The following ZNF569 variants were observed in gnomAD, a reference collection of about 807,000 sequenced individuals.
ZNF569 encodes zinc finger protein 569.
A neutral mutation model predicts 56.3 loss-of-function variants in ZNF569; 38 were observed. The observed-to-expected ratio is 0.68, with a 90% confidence interval of 0.52 to 0.88. The LOEUF is 0.88. Ranked by LOEUF, ZNF569 falls within the 40% of genes least tolerant of loss-of-function variation. The pLI is 0.00. For missense variants in ZNF569, 666 were observed against 809.2 expected (o/e 0.82, Z 2.15); for synonymous variants, 241 against 262.9 (o/e 0.92, Z 0.81).
chr19:37,430,356 T>G (rs1600308561), intron 3 of ZNF569, among the ~76,000 whole-genome samples: 1 of 152,072 alleles, frequency 6.6e-6, no homozygotes, highest in Admixed American at 6.5e-5. Context: ...AAAACATTAA[T>G]GTACATATTC....
At chr19:37,452,205 TCTC>T (rs1222917345) in intron 2 of ZNF569, among the ~76,000 whole-genome samples, 2 of 147,118 alleles carry the variant, frequency 1.4e-5, no homozygotes, top group East Asian at 3.8e-4. Context: ...CATTTTAAAT[TCTC>T]CTGCCCACAT....
intron 2 of ZNF569, among the ~76,000 whole-genome samples, chr19:37,464,454 G>A (rs992061582): frequency 6.6e-6 from 1 of 152,184 alleles, no homozygotes. Context: ...CTCCCAAACT[G>A]CTGGGATTCC....
In ZNF569 at chr19:37,411,167, C is replaced by G. The variant is rs1474952159; in HGVS notation, c.*1430G>C. 1.3e-5 allele frequency: 2 copies of G among 152,282 alleles called. No individual in the cohort carries two copies. The highest frequency in any genetic ancestry group is 4.1e-4 in the South Asian group (2 of 4,826). The allele number at this position is 152,282 out of a possible 1,614,324, so 9.4% of individuals were successfully genotyped here. On this transcript the variant is annotated 3_prime_UTR_variant, in exon 6 of 6. Coordinates refer to ENST00000316950, the MANE Select transcript of ZNF569 (RefSeq NM_152484.3). ...GTCACCACTGTCATATTTGCTTTCA[C>G]TCTTTTATTAAAGAAATATTACAGA...
At position 37,412,360 on chromosome 19, in the gene ZNF569, A is replaced by G. The variant is rs1412994414; in HGVS notation, c.*237T>C. 2 of 565,882 alleles carry G rather than the reference A, an allele frequency of 3.5e-6. No individual in the cohort carries two copies. The highest frequency in any genetic ancestry group is 5.3e-6 in the Non-Finnish European group (2 of 377,092). 35.1% of individuals were successfully genotyped at this position (565,882 alleles called of 1,614,324 possible). ...GGAAGATACCTTGTTTCAGATTTCA[A>G]TGAGAATGCTGATTAAATATTATCA... is the stretch of plus-strand genomic sequence containing the variant. On this transcript the variant is annotated 3_prime_UTR_variant, in exon 6 of 6. Coordinates refer to ENST00000316950, the MANE Select transcript of ZNF569 (RefSeq NM_152484.3).
intron 5 of ZNF569, among the ~76,000 whole-genome samples, chr19:37,425,469 G>A (rs905158097): frequency 8.6e-5 from 13 of 151,716 alleles, no homozygotes; most frequent in African/African-American, 2.7e-4. Context: ...CTACAGGCGC[G>A]TGTCACCACG....
At chr19:37,425,680 G>A in intron 5 of ZNF569, 188 bp downstream of exon 5, 4 of 483,236 alleles carry the variant, frequency 8.3e-6, no homozygotes, top group Admixed American at 5.7e-5. Context: ...GCCCAGGCTG[G>A]TCCCAAACTC....
intron 5 of ZNF569, among the ~76,000 whole-genome samples, chr19:37,416,250 C>T (rs1473397058): frequency 1.6e-5 from 2 of 124,290 alleles, no homozygotes; most frequent in African/African-American, 6.1e-5. Context: ...AACAAACAAA[C>T]AAAAAAACAA....
chr19:37,425,865 A>C lies in ZNF569; in HGVS notation c.238+3T>G, dbSNP rs890447569. ...CTCACCTGTCTGGTTCCCTTCCACTAACCTTGCCAGTGTCTCCTTAATACT... is the reference window on the plus strand; with the variant it reads ...CTCACCTGTCTGGTTCCCTTCCACTCACCTTGCCAGTGTCTCCTTAATACT... On this transcript the variant is annotated splice_donor_region_variant and intron_variant, in intron 5 of 5. Transcript: ENST00000316950. 3.7e-6 allele frequency: 6 copies of C among 1,612,742 alleles called. No individual in the cohort carries two copies. In the African/African-American group the frequency reaches 6.7e-5, roughly 18 times the overall value.
intron 2 of ZNF569, among the ~76,000 whole-genome samples, chr19:37,446,825 A>G (rs1241509149): frequency 1.3e-5 from 2 of 152,142 alleles, no homozygotes; most frequent in Non-Finnish European, 2.9e-5. Flanking sequence ...TAAACAACCC[A>G]CAGAATGGGA....
chr19:37,456,792 C>A (rs975693449), intron 2 of ZNF569, among the ~76,000 whole-genome samples: 16 of 152,040 alleles, frequency 1.1e-4, no homozygotes, highest in African/African-American at 3.9e-4. Context: ...CATAGTGAAA[C>A]CTCACCTCTC....
chr19:37,423,744 A>T (rs760853648), intron 5 of ZNF569, among the ~76,000 whole-genome samples: 3 of 152,192 alleles, frequency 2.0e-5, no homozygotes, highest in Non-Finnish European at 4.4e-5. Context: ...CCAACTGTTT[A>T]TTAAAACAAA....
chr19:37,437,380 G>A (rs780938104), intron 3 of ZNF569, among the ~76,000 whole-genome samples: 8 of 152,072 alleles, frequency 5.3e-5, no homozygotes, highest in Admixed American at 1.3e-4. Context: ...GTATCATACC[G>A]AATGGGGAAA....
At chr19:37,431,390 C>T (rs1600309910) in intron 3 of ZNF569, among the ~76,000 whole-genome samples, 1 of 152,250 alleles carries the variant, frequency 6.6e-6, no homozygotes, top group East Asian at 1.9e-4. Context: ...CAGGCAGAGG[C>T]CCCCATTCCA....
rs928660769 is a variant in ZNF569 at position 37,467,080 on chromosome 19, T to A, written c.-205+4A>T. 1 of 152,296 alleles carries A rather than the reference T, an allele frequency of 6.6e-6. No homozygotes were observed. The highest frequency in any genetic ancestry group is 1.5e-5 in the Non-Finnish European group (1 of 68,144). 9.4% of individuals were successfully genotyped at this position (152,296 alleles called of 1,614,324 possible). On this transcript the variant is annotated splice_donor_region_variant and intron_variant, in intron 1 of 5. Coordinates refer to ENST00000316950, the MANE Select transcript of ZNF569 (RefSeq NM_152484.3). Reference sequence around the variant, plus strand: ...TCAGAGCTAGCGGTTTCCCGAGGACTCACCACCAAGCCCGCGGACACAGGC... The same window carrying A: ...TCAGAGCTAGCGGTTTCCCGAGGACACACCACCAAGCCCGCGGACACAGGC...
In ZNF569 at chr19:37,444,942, G is replaced by T; in HGVS notation, c.-21C>A. On this transcript the variant is annotated 5_prime_UTR_variant, in exon 3 of 6. Transcript: ENST00000316950. ...GTCATTTCCTCTTCTTTCTGGGAAG[G>T]GATGGGGCCTGCAGAAGTAGAGCTG... is the stretch of plus-strand genomic sequence containing the variant. 6.2e-7 allele frequency: 1 copy of T among 1,607,646 alleles called. No individual in the cohort carries two copies. The highest frequency in any genetic ancestry group is 8.5e-7 in the Non-Finnish European group (1 of 1,177,626).
chr19:37,424,215 A>T (rs1193921003), intron 5 of ZNF569, among the ~76,000 whole-genome samples: 2 of 152,208 alleles, frequency 1.3e-5, no homozygotes, highest in African/African-American at 4.8e-5. Flanking sequence ...TTACAATGGA[A>T]GAAAGAAGAG....
intron 2 of ZNF569, among the ~76,000 whole-genome samples, chr19:37,456,826 G>C (rs1159508403): frequency 6.6e-6 from 1 of 151,916 alleles, no homozygotes; most frequent in Admixed American, 6.6e-5. Context: ...AAATTAGCTG[G>C]GCATGGTGGC....
intron 3 of ZNF569, among the ~76,000 whole-genome samples, chr19:37,434,096 AT>A (rs1600313978): frequency 6.6e-6 from 1 of 151,952 alleles, no homozygotes; most frequent in East Asian, 1.9e-4. Context: ...AGGTCAACAG[AT>A]GAGACCATTC....
At position 37,413,570 on chromosome 19, in the gene ZNF569, A is replaced by G. The variant is rs753576293; in HGVS notation, c.1088T>C (p.Phe363Ser). The change falls in exon 6 of 6, where the codon TTC (phenylalanine) becomes TCC (serine). Residue 363 changes from phenylalanine to serine, a missense_variant. Transcript: ENST00000316950. ...PYKCDKCGKAFSQFSMLIIHV... is the reference protein window; with the variant it reads ...PYKCDKCGKASSQFSMLIIHV... ...TATAATAAGCATGGAAAACTGAGAG[A>G]AGGCTTTACCACATTTATCACATTT... 4 of 1,613,514 alleles carry G rather than the reference A, an allele frequency of 2.5e-6. No homozygotes were observed. In the South Asian group the frequency reaches 4.4e-5, roughly 18 times the overall value.
Sources: allele counts gnomAD v4.1 joint callset (sites outside exome capture counted in the v4.1 genomes callset), GRCh38; gene constraint gnomAD v4.1.1; transcripts MANE v1.5; gene names NCBI Gene and HGNC (gene_info 2026-07-23, HGNC 2026-07-21).